The following BAZ2B variants were observed in gnomAD, a reference collection of about 807,000 sequenced individuals.
The protein encoded by BAZ2B is bromodomain adjacent to zinc finger domain protein 2B.
A neutral mutation model predicts 246.0 loss-of-function variants in BAZ2B; 91 were observed. That is an observed-to-expected ratio of 0.37 (90% CI 0.31 to 0.44). The LOEUF (loss-of-function observed/expected upper bound fraction) is 0.44. Among genes scored for constraint, BAZ2B ranks in the 20% least tolerant of loss-of-function variants. BAZ2B has a pLI of 1.00. For synonymous variants in BAZ2B, 855 were observed against 860.0 expected (o/e 0.99, Z 0.10); for missense variants, 2,332 against 2,533.7 (o/e 0.92, Z 1.71).
the BAZ2B span, among the ~76,000 whole-genome samples, chr2:159,633,841 G>A: frequency 6.7e-6 from 1 of 148,492 alleles, no homozygotes; most frequent in South Asian, 2.2e-4. Flanking sequence ...CCAGGTTCAA[G>A]CAATTCTCAT....
chr2:159,542,643 T>C (rs1033380109), intron 2 of BAZ2B, among the ~76,000 whole-genome samples: 1 of 151,390 alleles, frequency 6.6e-6, no homozygotes, highest in African/African-American at 2.4e-5. Flanking sequence ...TCTCTAAAAA[T>C]AAAAATAAAA....
chr2:159,611,080 C>A (rs1694627087), intron 1 of BAZ2B, among the ~76,000 whole-genome samples: 2 of 151,846 alleles, frequency 1.3e-5, no homozygotes. Flanking sequence ...CCCATAATTT[C>A]ATACTTAATA....
chr2:159,376,940 C>A (rs2061468457), intron 25 of BAZ2B, among the ~76,000 whole-genome samples: 2 of 152,106 alleles, frequency 1.3e-5, no homozygotes, highest in Admixed American at 1.3e-4. Context: ...AGTTCCCCAA[C>A]CAAAAAACAG....
At chr2:159,698,413 C>CTG in the BAZ2B span, among the ~76,000 whole-genome samples, 1 of 150,454 alleles carries the variant, frequency 6.6e-6, no homozygotes, top group African/African-American at 2.5e-5. Context: ...CCCAGCTACT[C>CTG]AGATGACTTG....
At chr2:159,584,493 T>G (rs1337409270) in intron 1 of BAZ2B, among the ~76,000 whole-genome samples, 1 of 152,166 alleles carries the variant, frequency 6.6e-6, no homozygotes, top group Non-Finnish European at 1.5e-5. Context: ...GCAGAAGCCC[T>G]AGAAGGCTAC....
At chr2:159,387,316 T>G (rs1052353998) in intron 21 of BAZ2B, among the ~76,000 whole-genome samples, 1 of 152,176 alleles carries the variant, frequency 6.6e-6, no homozygotes, top group Non-Finnish European at 1.5e-5. Context: ...ATTAACATTT[T>G]AATGACTTAA....
In BAZ2B at chr2:159,585,145, G is replaced by A. The variant is rs113893907; in HGVS notation, c.-45-29280C>T. ...TTGGTATGTGCAGTAAGAATGAGTT[G>A]TCACTAAGATGGGGAAGACTGTTAC... On this transcript the variant is annotated intron_variant, in intron 1 of 36. Coordinates refer to ENST00000392783, the MANE Select transcript of BAZ2B (RefSeq NM_013450.4). 2.0e-5 allele frequency among the ~76,000 whole-genome samples: 3 copies of A among 152,230 alleles called. 1 individual carries two copies. In the South Asian group the frequency reaches 6.2e-4, roughly 32 times the overall value.
intron 27 of BAZ2B, among the ~76,000 whole-genome samples, chr2:159,368,972 C>T (rs2060525766): frequency 6.6e-6 from 1 of 151,182 alleles, no homozygotes; most frequent in African/African-American, 2.4e-5. Context: ...TTTAAGTGTG[C>T]CTGTGATATA....
At chr2:159,534,731 C>T (rs1296130948) in intron 2 of BAZ2B, among the ~76,000 whole-genome samples, 1 of 151,956 alleles carries the variant, frequency 6.6e-6, no homozygotes, top group Non-Finnish European at 1.5e-5. Context: ...TTCAGCCTCC[C>T]GCGTAGCTGG....
chr2:159,608,203 CG>C (rs1387781170), intron 1 of BAZ2B, among the ~76,000 whole-genome samples: 4 of 151,994 alleles, frequency 2.6e-5, no homozygotes, highest in African/African-American at 9.7e-5. Context: ...GCTAAAACCC[CG>C]TCTCTACAAA....
intron 2 of BAZ2B, among the ~76,000 whole-genome samples, chr2:159,522,817 G>A (rs61652165): frequency 0.032 from 4,890 of 152,050 alleles, 241 homozygotes; most frequent in African/African-American, 0.11. Context: ...AGAAACAGAC[G>A]CTTTAAACGA....
At chr2:159,479,351 T>C (rs1367752183) in intron 2 of BAZ2B, among the ~76,000 whole-genome samples, 1 of 152,232 alleles carries the variant, frequency 6.6e-6, no homozygotes, top group Admixed American at 6.5e-5. Flanking sequence ...GCTTTATGGT[T>C]GTAGCCTTGC....
At chr2:159,633,777 G>A in the BAZ2B span, among the ~76,000 whole-genome samples, 3 of 125,550 alleles carry the variant, frequency 2.4e-5, no homozygotes, top group Non-Finnish European at 3.1e-5. Flanking sequence ...GTCTCACTCC[G>A]TCACCCAGGC....
chr2:159,637,518 C>T, the BAZ2B span, among the ~76,000 whole-genome samples: 3 of 152,194 alleles, frequency 2.0e-5, no homozygotes, highest in African/African-American at 7.2e-5. Context: ...GGTTTGAGTG[C>T]TAGCTTAGCC....
chr2:159,360,582 G>T (rs527400229), intron 27 of BAZ2B, among the ~76,000 whole-genome samples: 1 of 152,008 alleles, frequency 6.6e-6, no homozygotes, highest in South Asian at 2.1e-4. Flanking sequence ...TTTCTTCACA[G>T]AATTAGAAAA....
chr2:159,389,611 A>G, intron 20 of BAZ2B, 126 bp from the exon 21 acceptor site: 1 of 843,170 alleles, frequency 1.2e-6, no homozygotes, highest in Non-Finnish European at 1.7e-6. Context: ...TTTTCAAAAT[A>G]ATCTTATGAC....
intron 1 of BAZ2B, among the ~76,000 whole-genome samples, chr2:159,566,611 A>T (rs1000388942): frequency 6.6e-6 from 1 of 152,184 alleles, no homozygotes; most frequent in Non-Finnish European, 1.5e-5. Context: ...ATAAATTTTC[A>T]TCATCTCCAG....
At chr2:159,644,427 T>G in the BAZ2B span, among the ~76,000 whole-genome samples, 1 of 152,238 alleles carries the variant, frequency 6.6e-6, no homozygotes, top group Non-Finnish European at 1.5e-5. Context: ...AACAGCTGTT[T>G]GGTCTGATCC....
At chr2:159,400,033 G>C (rs2064729783) in intron 17 of BAZ2B, among the ~76,000 whole-genome samples, 1 of 152,116 alleles carries the variant, frequency 6.6e-6, no homozygotes, top group Non-Finnish European at 1.5e-5. Flanking sequence ...GCTGTTGCTA[G>C]GCTTTTCAGT....
Sources: allele counts gnomAD v4.1 joint callset (sites outside exome capture counted in the v4.1 genomes callset), GRCh38; gene constraint gnomAD v4.1.1; transcripts MANE v1.5; gene names NCBI Gene and HGNC (gene_info 2026-07-23, HGNC 2026-07-21).